The following ADCY2 variants were observed in gnomAD, a reference collection of about 807,000 sequenced individuals.
The protein encoded by ADCY2 is adenylate cyclase type 2.
In ADCY2, 31 loss-of-function variants were observed where a neutral mutation model predicts 125.2. The ratio of observed to expected loss-of-function variants is 0.25; its 90% CI spans 0.19 to 0.33. The LOEUF (loss-of-function observed/expected upper bound fraction) is 0.33, where lower values mean the gene tolerates loss of function less well. Ranked by LOEUF, ADCY2 falls within the 10% of genes least tolerant of loss-of-function variation. The pLI is 1.00. For missense variants in ADCY2, 904 were observed against 1,418.2 expected, an observed-to-expected ratio of 0.64 and a Z score of 5.82; for synonymous variants, 512 against 548.4, an observed-to-expected ratio of 0.93 and a Z score of 0.93.
rs147100070 is a variant in ADCY2, at chr5:7,706,623, G to T, written c.1110-121G>T. The T allele has an allele frequency of 1.6e-4, 187 of 1,178,692 alleles. No individual in the cohort carries two copies. In the East Asian group the frequency reaches 4.3e-3, roughly 27 times the overall value. The allele number at this position is 1,178,692 out of a possible 1,614,324, so 73.0% of individuals were successfully genotyped here. A position where few individuals can be genotyped will look rare whatever the true frequency, so the allele number is the denominator to read the frequency against. Reference sequence around the variant, plus strand: ...AGGAGTGATCTCCTGCCATAGGAAGGTTTATGGTCATTTCCGACAGTTTGA... The same window carrying T: ...AGGAGTGATCTCCTGCCATAGGAAGTTTTATGGTCATTTCCGACAGTTTGA... On this transcript the variant is annotated intron_variant, in intron 7 of 24. Coordinates refer to ENST00000338316, the MANE Select transcript of ADCY2 (RefSeq NM_020546.3).
intron 3 of ADCY2, among the ~76,000 whole-genome samples, chr5:7,611,409 G>T (rs563081084): frequency 6.6e-6 from 1 of 151,908 alleles, no homozygotes; most frequent in Non-Finnish European, 1.5e-5. Flanking sequence ...TTAAAAAATT[G>T]GTACCTCTGG....
intron 24 of ADCY2, among the ~76,000 whole-genome samples, chr5:7,822,238 A>G (rs1353309177): frequency 1.3e-5 from 2 of 152,250 alleles, no homozygotes; most frequent in Non-Finnish European, 2.9e-5. Context: ...TATTTATAGC[A>G]AAAGCCATTT....
intron 3 of ADCY2, among the ~76,000 whole-genome samples, chr5:7,590,229 TG>T (rs1359304215): frequency 6.6e-6 from 1 of 152,144 alleles, no homozygotes; most frequent in Non-Finnish European, 1.5e-5. Flanking sequence ...AAGCTAAATT[TG>T]GGACTCTTGC....
chr5:7,521,125 C>A (rs1744432009), intron 3 of ADCY2, among the ~76,000 whole-genome samples: 1 of 152,168 alleles, frequency 6.6e-6, no homozygotes, highest in Admixed American at 6.5e-5. Context: ...GTAATGGTAG[C>A]AGGAAAGTTG....
chr5:7,680,392 G>A (rs1740290168), intron 4 of ADCY2, among the ~76,000 whole-genome samples: 1 of 152,182 alleles, frequency 6.6e-6, no homozygotes, highest in Admixed American at 6.5e-5. Context: ...TTAGAGTATA[G>A]GCAGATGTGG....
Position 7,661,476 on chromosome 5 carries a change from A to G in ADCY2, c.721-29215A>G, listed in dbSNP as rs113138281. Among the ~76,000 whole-genome samples, 999 of 152,348 alleles carry G rather than the reference A, an allele frequency of 6.6e-3. 4 individuals carry two copies. The highest frequency in any genetic ancestry group is 0.01 in the Non-Finnish European group (700 of 68,038). ...CCAATAAATAATTATATTAAATGCA[A>G]GTGGATTAAACTCCCAATCAAAAGG... On this transcript the variant is annotated intron_variant, in intron 4 of 24. Coordinates refer to ENST00000338316, the MANE Select transcript of ADCY2 (RefSeq NM_020546.3).
chr5:7,787,911 C>T (rs1744131336), intron 19 of ADCY2, among the ~76,000 whole-genome samples: 1 of 152,206 alleles, frequency 6.6e-6, no homozygotes, highest in African/African-American at 2.4e-5. Context: ...GCTGCCTTAA[C>T]TGCTCCCTTG....
At chr5:7,493,550 G>A (rs1743241344) in intron 2 of ADCY2, among the ~76,000 whole-genome samples, 1 of 152,162 alleles carries the variant, frequency 6.6e-6, no homozygotes, top group Non-Finnish European at 1.5e-5. Context: ...GGCTGGAAAC[G>A]ACGATGTCTA....
intron 2 of ADCY2, among the ~76,000 whole-genome samples, chr5:7,475,441 G>A (rs935565557): frequency 1.3e-5 from 2 of 151,876 alleles, no homozygotes; most frequent in African/African-American, 4.8e-5. Context: ...GAGTGCAATG[G>A]CACCATCTCG....
At chr5:7,570,731 G>T in intron 3 of ADCY2, among the ~76,000 whole-genome samples, 1 of 151,944 alleles carries the variant, frequency 6.6e-6, no homozygotes, top group East Asian at 1.9e-4. Flanking sequence ...TCAAGAATGT[G>T]GCTTCTAGAA....
At chr5:7,475,830 G>A (rs1387123788) in intron 2 of ADCY2, among the ~76,000 whole-genome samples, 1 of 152,208 alleles carries the variant, frequency 6.6e-6, no homozygotes, top group East Asian at 1.9e-4. Flanking sequence ...CTGAGTTCGA[G>A]GGAGAAAGCT....
chr5:7,587,728 G>T (rs967835146), intron 3 of ADCY2, among the ~76,000 whole-genome samples: 3 of 152,168 alleles, frequency 2.0e-5, no homozygotes, highest in African/African-American at 7.2e-5. Context: ...TTTAGAAAAT[G>T]ATTCCTATTT....
chr5:7,668,793 C>T, intron 4 of ADCY2, among the ~76,000 whole-genome samples: 1 of 152,260 alleles, frequency 6.6e-6, no homozygotes, highest in East Asian at 1.9e-4. Flanking sequence ...TCAGAAGATG[C>T]CAGCTGCTCT....
At chr5:7,678,054 G>A (rs762825414) in intron 4 of ADCY2, among the ~76,000 whole-genome samples, 1 of 152,156 alleles carries the variant, frequency 6.6e-6, no homozygotes, top group South Asian at 2.1e-4. Flanking sequence ...TCCTGAGTTT[G>A]TTTATGCTAA....
intron 4 of ADCY2, among the ~76,000 whole-genome samples, chr5:7,626,833 G>A (rs554662723): frequency 1.3e-5 from 2 of 151,884 alleles, no homozygotes; most frequent in African/African-American, 2.4e-5. Context: ...CCAACACTGG[G>A]GATCAAATTT....
At chr5:7,607,620 T>A (rs1431436263) in intron 3 of ADCY2, among the ~76,000 whole-genome samples, 1 of 152,214 alleles carries the variant, frequency 6.6e-6, no homozygotes, top group Non-Finnish European at 1.5e-5. Context: ...GAATACGTAT[T>A]TGCATGACAC....
rs753436001 is a variant in ADCY2 at position 7,520,950 on chromosome 5, G to C, written c.570+51G>C. ...GAATGACTTTCCACATCCCACCAGG[G>C]GGTGAGGCAGGTGCTGCTGGCCCAT... On this transcript the variant is annotated intron_variant, in intron 3 of 24. Coordinates refer to ENST00000338316, the MANE Select transcript of ADCY2 (RefSeq NM_020546.3). 1.1e-5 allele frequency: 18 copies of C among 1,603,992 alleles called. No individual in the cohort carries two copies. In the Middle Eastern group the frequency reaches 1.8e-3, roughly 162 times the overall value.
At chr5:7,478,258 A>C (rs1742592720) in intron 2 of ADCY2, among the ~76,000 whole-genome samples, 1 of 152,184 alleles carries the variant, frequency 6.6e-6, no homozygotes, top group South Asian at 2.1e-4. Flanking sequence ...TTGACCGATA[A>C]CAAAAGGGTT....
chr5:7,764,150 C>T (rs1743314942), intron 16 of ADCY2, among the ~76,000 whole-genome samples: 1 of 152,198 alleles, frequency 6.6e-6, no homozygotes, highest in Non-Finnish European at 1.5e-5. Flanking sequence ...ATATCTTAAA[C>T]ACTTGATGTT....
Sources: allele counts gnomAD v4.1 joint callset (sites outside exome capture counted in the v4.1 genomes callset), GRCh38; gene constraint gnomAD v4.1.1; transcripts MANE v1.5; gene names NCBI Gene and HGNC (gene_info 2026-07-23, HGNC 2026-07-21).